TRAF7: variants seen among roughly 807,000 people sequenced by gnomAD.
TRAF7 encodes the protein TNF receptor associated factor 7.
In TRAF7, 45 loss-of-function variants were observed where a neutral mutation model predicts 89.3. That is an observed-to-expected ratio of 0.50 (90% CI 0.40 to 0.65). The LOEUF is 0.65. TRAF7 is among the 30% of genes least tolerant of loss of function. TRAF7 has a pLI of 0.00. For synonymous variants in TRAF7, 406 were observed against 369.2 expected, an observed-to-expected ratio of 1.10 and a Z score of -1.14; for missense variants, 677 against 918.1, an observed-to-expected ratio of 0.74 and a Z score of 3.39.
intron 2 of TRAF7, among the ~76,000 whole-genome samples, chr16:2,165,534 CCT>C (rs1275467653): frequency 1.6e-5 from 2 of 128,952 alleles, no homozygotes; most frequent in Non-Finnish European, 3.2e-5. Flanking sequence ...TGCTGCGTGG[CCT>C]GGCCTGGTCG....
intron 2 of TRAF7, among the ~76,000 whole-genome samples, chr16:2,165,258 C>G (rs1159861453): frequency 7.2e-6 from 1 of 138,814 alleles, no homozygotes; most frequent in South Asian, 2.3e-4. Context: ...GCGGCCTGGT[C>G]GCATGGTTAA....
rs894388836 is a variant in TRAF7 at position 2,158,589 on chromosome 16, A to C, written c.-39+2731A>C. On this transcript the variant is annotated intron_variant, in intron 1 of 20. Coordinates refer to ENST00000326181, the MANE Select transcript of TRAF7 (RefSeq NM_032271.3). The surrounding 1 kb of genome is among the most constrained non-coding windows in gnomAD (Gnocchi z 4.7). ...CACGCTGGCATGAGGGCGCTGGGTG[A>C]CTGAGGGGGTCAGTGGTCTCTGCCC... Among the ~76,000 whole-genome samples the C allele has an allele frequency of 2.0e-5, 3 of 152,174 alleles. No homozygotes were observed. Among genetic ancestry groups the C allele is most frequent in the African/African-American group, 7.2e-5 (3 of 41,442 alleles).
At position 2,164,296 on chromosome 16, in the gene TRAF7, C is replaced by T. The variant is rs560412895; in HGVS notation, c.81+295C>T. Reference sequence around the variant, plus strand: ...GGTCGCATGGTTAAGCGTGTGAGTGCTGCGTGACCTGGCCTGGTCGCATGG... The same window carrying T: ...GGTCGCATGGTTAAGCGTGTGAGTGTTGCGTGACCTGGCCTGGTCGCATGG... On this transcript the variant is annotated intron_variant, in intron 2 of 20. Coordinates refer to ENST00000326181, the MANE Select transcript of TRAF7 (RefSeq NM_032271.3). Among the ~76,000 whole-genome samples the T allele has an allele frequency of 5.4e-5, 8 of 147,460 alleles. No homozygotes were observed. The South Asian group carries it at 1.7e-3, about 32-fold the overall frequency.
Position 2,173,855 on chromosome 16 carries a change from T to TGGCG in TRAF7, c.1135+22_1135+23insGGGC. Reference sequence around the variant, plus strand: ...CTAGGCTGTGAGTATGGACCCGCCGTGGCTCCCGCCCACCCTCCCCCCCGG... The same window carrying TGGCG: ...CTAGGCTGTGAGTATGGACCCGCCGTGGCGGGCTCCCGCCCACCCTCCCCCCCGG... On this transcript the variant is annotated intron_variant, in intron 12 of 20. Coordinates refer to ENST00000326181, the MANE Select transcript of TRAF7 (RefSeq NM_032271.3). 6.2e-7 allele frequency: 1 copy of TGGCG among 1,610,254 alleles called. No homozygotes were observed. Among genetic ancestry groups the TGGCG allele is most frequent in the Non-Finnish European group, 8.5e-7 (1 of 1,179,394 alleles).
intron 12 of TRAF7, 23 bp downstream of exon 12, chr16:2,173,859 T>TGGGGGGGGCC: frequency 3.2e-6 from 4 of 1,246,174 alleles, no homozygotes; most frequent in Non-Finnish European, 4.4e-6. Context: ...CCGCCGTGGC[T>TGGGGGGGGCC]CCCGCCCACC....
Position 2,162,679 on chromosome 16 carries a change from G to A in TRAF7, c.-38-1204G>A, listed in dbSNP as rs977113429. ...ACCGCCCCCAGAGCAAGCTTGTTCT[G>A]AGGGCTCCTGCCTTGGGAGCTGAGC... On this transcript the variant is annotated intron_variant, in intron 1 of 20. Transcript: ENST00000326181. The surrounding 1 kb of genome is among the most constrained non-coding windows in gnomAD (Gnocchi z 5.0). Among the ~76,000 whole-genome samples the A allele has an allele frequency of 6.6e-6, 1 of 152,062 alleles. No homozygotes were observed. Among genetic ancestry groups the A allele is most frequent in the Non-Finnish European group, 1.5e-5 (1 of 67,992 alleles).
chr16:2,173,994 C>T lies in TRAF7; in HGVS notation c.1209C>T (p.Cys403=), dbSNP rs138647853. ...VGHQGPVWCL[C]VYSMGDLLFS... ...ACCAGGGCCCTGTGTGGTGTCTCTG[C>T]GTCTACTCCATGGGTGACCTGCTCT... Residue 403 remains cysteine (C), a synonymous_variant, in exon 13 of 21, where the codon TGC becomes TGT. Coordinates refer to ENST00000326181, the MANE Select transcript of TRAF7 (RefSeq NM_032271.3). 1,502 of 1,613,776 alleles carry T rather than the reference C, an allele frequency of 9.3e-4. 6 individuals are homozygous for T. The highest frequency in any genetic ancestry group is 2.5e-3 in the Middle Eastern group (15 of 6,062).
intron 7 of TRAF7, 40 bp from the exon 8 acceptor site, chr16:2,172,151 C>T (rs745324697): frequency 1.9e-6 from 3 of 1,610,470 alleles, no homozygotes; most frequent in Non-Finnish European, 2.5e-6. Flanking sequence ...GGAGCGTGTG[C>T]CAGGCAGGCC....
At chr16:2,171,868 T>G (rs1327310450) in intron 7 of TRAF7, among the ~76,000 whole-genome samples, 1 of 152,140 alleles carries the variant, frequency 6.6e-6, no homozygotes, top group East Asian at 1.9e-4. Flanking sequence ...CATGCCAGGG[T>G]TGGCACCCTC....
chr16:2,167,980 C>A, intron 3 of TRAF7, 97 bp from the exon 4 acceptor site: 1 of 1,130,406 alleles, frequency 8.8e-7, no homozygotes, highest in Non-Finnish European at 1.3e-6. Context: ...CTGTGAGCTA[C>A]AGGGGACCCA....
chr16:2,165,964 G>A, intron 3 of TRAF7, 28 bp downstream of exon 3: 1 of 1,613,864 alleles, frequency 6.2e-7, no homozygotes, highest in Non-Finnish European at 8.5e-7. Flanking sequence ...GGCCAGCCCA[G>A]GCTGGGAATA....
chr16:2,160,493 G>C, intron 1 of TRAF7, among the ~76,000 whole-genome samples: 1 of 143,100 alleles, frequency 7.0e-6, no homozygotes, highest in Non-Finnish European at 1.5e-5. Context: ...ACGGGCGGGA[G>C]GTGTGGACCG....
intron 16 of TRAF7, 32 bp downstream of exon 16, chr16:2,175,449 C>A (rs2141294272): frequency 6.2e-7 from 1 of 1,612,352 alleles, no homozygotes; most frequent in South Asian, 1.1e-5. Flanking sequence ...ACGTGTGTGT[C>A]ACTGAGGCGT....
chr16:2,156,342 C>G (rs963578473), intron 1 of TRAF7, among the ~76,000 whole-genome samples: 12 of 152,180 alleles, frequency 7.9e-5, no homozygotes, highest in Admixed American at 7.9e-4. Context: ...TAAACACCAC[C>G]CCTTCCTCAA....
chr16:2,178,080 G>C lies in TRAF7; in HGVS notation c.*1506G>C, dbSNP rs761536655. On this transcript the variant is annotated 3_prime_UTR_variant, in exon 21 of 21. Transcript: ENST00000326181. ...AAGTTATACCTTTTTGTTTCTCTGG[G>C]GAAATCCGCCTCAGCTCATTCCCAA... The C allele has an allele frequency of 2.0e-6, 1 of 488,984 alleles. No individual in the cohort carries two copies. Among genetic ancestry groups the C allele is most frequent in the Non-Finnish European group, 3.9e-6 (1 of 254,970 alleles). The allele number at this position is 488,984 out of a possible 1,614,324, so 30.3% of individuals were successfully genotyped here.
At position 2,165,920 on chromosome 16, in the gene TRAF7, C is replaced by G. The variant is rs1210317142; in HGVS notation, c.123C>G (p.Val41=). The G allele has an allele frequency of 6.2e-7, 1 of 1,614,024 alleles. No homozygotes were observed. Among genetic ancestry groups the G allele is most frequent in the Non-Finnish European group, 8.5e-7 (1 of 1,179,988 alleles). ...CCTTCGGACCCGCCTTTTCAGCCGT[C>G]ACCACCATCACAAAAGGTGAGCCCT... is the stretch of plus-strand genomic sequence containing the variant. ...ETTFGPAFSA[V]TTITKADGTS... The change falls in exon 3 of 21, where the codon GTC becomes GTG. Residue 41 remains valine (V), a synonymous_variant. Coordinates refer to ENST00000326181, the MANE Select transcript of TRAF7 (RefSeq NM_032271.3).
At chr16:2,170,039 G>A (rs1481644212) in intron 4 of TRAF7, among the ~76,000 whole-genome samples, 1 of 152,174 alleles carries the variant, frequency 6.6e-6, no homozygotes, top group African/African-American at 2.4e-5. Context: ...GCCAGAGGCA[G>A]GCACCTGTGG....
In TRAF7 at chr16:2,162,939, A is replaced by G. The variant is rs1314551415; in HGVS notation, c.-38-944A>G. On this transcript the variant is annotated intron_variant, in intron 1 of 20. Coordinates refer to ENST00000326181, the MANE Select transcript of TRAF7 (RefSeq NM_032271.3). The surrounding 1 kb of genome is among the most constrained non-coding windows in gnomAD (Gnocchi z 5.0). Reference sequence around the variant, plus strand: ...CTGAAAGTGGGACCTGCTCGGGAGGAGGGGCGCCTGCTGACAGAGCCTGGT... The same window carrying G: ...CTGAAAGTGGGACCTGCTCGGGAGGGGGGGCGCCTGCTGACAGAGCCTGGT... 1.3e-5 allele frequency among the ~76,000 whole-genome samples: 2 copies of G among 151,222 alleles called. No homozygotes were observed. Among genetic ancestry groups the G allele is most frequent in the African/African-American group, 4.8e-5 (2 of 41,378 alleles).
At chr16:2,172,399 C>G (rs2093115835) in intron 8 of TRAF7, 25 bp downstream of exon 8, 2 of 1,611,392 alleles carry the variant, frequency 1.2e-6, no homozygotes, top group Admixed American at 1.7e-5. Flanking sequence ...CTGGGCACCT[C>G]TGCCTCCCTG....
Sources: gnomAD v4.1 joint callset for allele counts (sites outside exome capture counted in the v4.1 genomes callset) on GRCh38, gnomAD v4.1.1 for gene constraint, Gnocchi (gnomAD v3.1) non-coding constraint, MANE v1.5 for transcripts, NCBI Gene and HGNC (gene_info 2026-07-23, HGNC 2026-07-21) for gene names.